Variants in TRIM34 observed in about 807,000 individuals in gnomAD.
TRIM34 encodes the protein E3 ubiquitin-protein ligase TRIM34.
A neutral mutation model predicts 38.1 loss-of-function variants in TRIM34; 41 were observed. That is an observed-to-expected ratio of 1.08 (90% CI 0.84 to 1.40). The LOEUF (loss-of-function observed/expected upper bound fraction) is 1.40, where lower values mean the gene tolerates loss of function less well. Ranked by LOEUF, TRIM34 falls within the 40% of genes most tolerant of loss-of-function variation. The pLI is 0.00. For missense variants in TRIM34, 556 were observed against 571.4 expected (o/e 0.97, Z 0.27); for synonymous variants, 200 against 202.5 (o/e 0.99, Z 0.10).
chr11:5,624,685 G>GC (rs1849123062), upstream of TRIM34: 1 of 152,106 alleles, frequency 6.6e-6, no homozygotes, highest in South Asian at 2.1e-4. Flanking sequence ...ATGCTTAGCG[G>GC]CATCTGTGAC....
chr11:5,629,287 A>G (rs1176476482), intron 1 of TRIM34, among the ~76,000 whole-genome samples: 2 of 152,070 alleles, frequency 1.3e-5, no homozygotes, highest in African/African-American at 2.4e-5. Context: ...AAAAAAAAAC[A>G]AAAACTACAG....
chr11:5,636,688 G>A (rs1315786256), intron 4 of TRIM34, among the ~76,000 whole-genome samples: 1 of 152,090 alleles, frequency 6.6e-6, no homozygotes, highest in Non-Finnish European at 1.5e-5. Flanking sequence ...TTGCTATTTG[G>A]TCACTTGGAA....
rs562844303 is a variant in TRIM34, at chr11:5,629,980, A to G, written c.-77-2275A>G. The stretch of plus-strand genomic sequence containing the variant: ...CTCGGCCTCCCAAAGTGCTGAGATT[A>G]CAGGGGTGAGCCACCGCGCCCGGCC... On this transcript the variant is annotated intron_variant, in intron 1 of 7. Transcript: ENST00000429814. Among the ~76,000 whole-genome samples, 15 of 152,270 alleles carry G rather than the reference A, an allele frequency of 9.9e-5. No individual in the cohort carries two copies. The South Asian group carries it at 3.1e-3, about 32-fold the overall frequency.
intron 4 of TRIM34, among the ~76,000 whole-genome samples, chr11:5,638,667 C>T (rs150173026): frequency 4.6e-5 from 7 of 152,276 alleles, no homozygotes; most frequent in Non-Finnish European, 7.4e-5. Flanking sequence ...TTTGACAATA[C>T]GGCATAAGAA....
intron 1 of TRIM34, among the ~76,000 whole-genome samples, chr11:5,627,623 C>T (rs1307664806): frequency 6.6e-6 from 1 of 152,148 alleles, no homozygotes; most frequent in Non-Finnish European, 1.5e-5. Flanking sequence ...CACTACAGCT[C>T]TTGGGGAGAG....
chr11:5,640,503 A>G (rs1207598754), intron 4 of TRIM34, among the ~76,000 whole-genome samples: 2 of 152,072 alleles, frequency 1.3e-5, no homozygotes, highest in East Asian at 1.9e-4. Flanking sequence ...GCCATCAGGT[A>G]TAATCTTTTT....
At position 5,630,998 on chromosome 11, in the gene TRIM34, G is replaced by A. The variant is rs112110663; in HGVS notation, c.-77-1257G>A. Among the ~76,000 whole-genome samples, 286 of 152,250 alleles carry A rather than the reference G, an allele frequency of 1.9e-3. 3 individuals carry two copies. The highest frequency in any genetic ancestry group is 6.3e-3 in the African/African-American group (262 of 41,558). On this transcript the variant is annotated intron_variant, in intron 1 of 7. Coordinates refer to ENST00000429814, the MANE Select transcript of TRIM34 (RefSeq NM_021616.6). ...GATTTAACACAGACAGAACTTCATCGCTCCTAAATGTGGTCTCCCTTTATG... is the reference window on the plus strand; with the variant it reads ...GATTTAACACAGACAGAACTTCATCACTCCTAAATGTGGTCTCCCTTTATG...
chr11:5,627,334 C>T (rs1385862604), intron 1 of TRIM34, among the ~76,000 whole-genome samples: 2 of 152,012 alleles, frequency 1.3e-5, no homozygotes, highest in Non-Finnish European at 2.9e-5. Context: ...GAGCCGAGAT[C>T]ATGCCACCAC....
intron 5 of TRIM34, 120 bp from the exon 6 acceptor site, chr11:5,642,286 T>A: frequency 1.2e-6 from 1 of 822,562 alleles, no homozygotes; most frequent in Non-Finnish European, 1.9e-6. Flanking sequence ...CTCCCCCTCC[T>A]CAGGCTCAGG....
chr11:5,627,981 C>T (rs946331638), intron 1 of TRIM34, among the ~76,000 whole-genome samples: 1 of 152,208 alleles, frequency 6.6e-6, no homozygotes, highest in African/African-American at 2.4e-5. Context: ...GGTATAATCA[C>T]CTGGCAGCTA....
chr11:5,634,647 A>G lies in TRIM34; in HGVS notation c.536A>G (p.Glu179Gly), dbSNP rs757685774. 1.2e-6 allele frequency: 2 copies of G among 1,613,210 alleles called. No individual in the cohort carries two copies. Among genetic ancestry groups the G allele is most frequent in the Non-Finnish European group, 1.7e-6 (2 of 1,179,600 alleles). Residue 179 changes from glutamate (E) to glycine (G), a missense_variant, in exon 4 of 8, where the codon GAG becomes GGG. Transcript: ENST00000429814. ...TCCTTGCAGTATCAGGTACAAACTGAGAGACAAAGGATACAAACAGAATTT... is the reference window on the plus strand; with the variant it reads ...TCCTTGCAGTATCAGGTACAAACTGGGAGACAAAGGATACAAACAGAATTT... ...KTSWKYQVQT[E>G]RQRIQTEFDQ... is the part of the protein sequence containing the mutation.
rs1491498839 is a variant in TRIM34, at chr11:5,634,530, C to CACACAT, written c.520-100_520-99insCACATA. 116 of 261,290 alleles carry CACACAT rather than the reference C, an allele frequency of 4.4e-4. No individual in the cohort carries two copies. In the East Asian group the frequency reaches 5.4e-3, roughly 12 times the overall value. 16.2% of individuals were successfully genotyped at this position (261,290 alleles called of 1,614,324 possible). On this transcript the variant is annotated intron_variant, in intron 3 of 7. Transcript: ENST00000429814. ...ACACACACACACACACACACACACA[C>CACACAT]ATATATATATATATATATTTCCCTA...
At chr11:5,627,378 C>T (rs1360237956) in intron 1 of TRIM34, among the ~76,000 whole-genome samples, 1 of 151,224 alleles carries the variant, frequency 6.6e-6, no homozygotes, top group Non-Finnish European at 1.5e-5. Flanking sequence ...AAAACTCCGT[C>T]TCAAAAAAAA....
upstream of TRIM34, among the ~76,000 whole-genome samples, chr11:5,622,183 C>G (rs1204278728): frequency 1.3e-5 from 2 of 152,206 alleles, no homozygotes; most frequent in Admixed American, 6.5e-5. Flanking sequence ...CGGTGGCTCA[C>G]ACCTGTAATC....
chr11:5,643,066 T>C (rs1199971441), intron 7 of TRIM34, 78 bp from the exon 8 acceptor site: 7 of 1,283,812 alleles, frequency 5.5e-6, no homozygotes, highest in Non-Finnish European at 7.2e-6. Flanking sequence ...ACCTACTCCA[T>C]ATCTGTCACC....
chr11:5,630,683 A>C (rs1357955419), intron 1 of TRIM34, among the ~76,000 whole-genome samples: 1 of 152,160 alleles, frequency 6.6e-6, no homozygotes, highest in East Asian at 1.9e-4. Context: ...TATCCAAGCA[A>C]GATATCTTGG....
rs2133933836 is a variant in TRIM34 at position 5,634,661 on chromosome 11, C to T, written c.550C>T (p.Gln184Ter). 1 of 1,613,562 alleles carries T rather than the reference C, an allele frequency of 6.2e-7. No individual in the cohort carries two copies. Among genetic ancestry groups the T allele is most frequent in the Non-Finnish European group, 8.5e-7 (1 of 1,179,844 alleles). Residue 184 changes from glutamine (Q) to a stop codon, truncating the protein, a stop_gained, in exon 4 of 8, where the codon CAA becomes TAA. Transcript: ENST00000429814. LOFTEE classifies it high-confidence loss of function. ...YQVQTERQRI[Q>*]TEFDQLRSIL... The stretch of plus-strand genomic sequence containing the variant: ...GGTACAAACTGAGAGACAAAGGATA[C>T]AAACAGAATTTGATCAGCTTAGAAG...
At position 5,643,442 on chromosome 11, in the gene TRIM34, A is replaced by G. The variant is rs143652980; in HGVS notation, c.1200A>G (p.Ile400Met). Reference sequence around the variant, plus strand: ...GACCTCTATTTGGCTACTGGGTTATAGGGTTACAGAATAAATGTAAGTATG... The same window carrying G: ...GACCTCTATTTGGCTACTGGGTTATGGGGTTACAGAATAAATGTAAGTATG... The part of the protein sequence containing the change: ...KYRPLFGYWV[I>M]GLQNKCKYGV... Residue 400 changes from isoleucine (I) to methionine (M), a missense_variant, in exon 8 of 8, where the codon ATA becomes ATG. Ile to Met is a conservative substitution (Grantham distance 10). Transcript: ENST00000429814. 1.3e-3 allele frequency: 2,033 copies of G among 1,614,226 alleles called. 5 individuals are homozygous for G. Among genetic ancestry groups the G allele is most frequent in the Non-Finnish European group, 1.6e-3 (1,904 of 1,180,028 alleles).
chr11:5,629,701 ATTC>A (rs1252043012), intron 1 of TRIM34, among the ~76,000 whole-genome samples: 1 of 151,982 alleles, frequency 6.6e-6, no homozygotes, highest in Non-Finnish European at 1.5e-5. Flanking sequence ...CTCCGTGAGG[ATTC>A]TTTTGTTTTG....
Sources: allele counts gnomAD v4.1 joint callset (sites outside exome capture counted in the v4.1 genomes callset), GRCh38; gene constraint gnomAD v4.1.1; transcripts MANE v1.5; gene names NCBI Gene and HGNC (gene_info 2026-07-23, HGNC 2026-07-21).